C10orf53: variants seen among roughly 807,000 people sequenced by gnomAD.
C10orf53 encodes UPF0728 protein C10orf53.
Under a neutral mutation model 9.4 loss-of-function variants are expected in C10orf53, and 8 were observed. The ratio of observed to expected loss-of-function variants is 0.85; its 90% CI spans 0.50 to 1.53. The LOEUF is 1.53. C10orf53 is among the 40% of genes most tolerant of loss of function. C10orf53 has a pLI of 0.00. For missense variants in C10orf53, 117 were observed against 117.8 expected, an observed-to-expected ratio of 0.99 and a Z score of 0.03; for synonymous variants, 48 against 46.0, an observed-to-expected ratio of 1.04 and a Z score of -0.18.
intron 2 of C10orf53, among the ~76,000 whole-genome samples, chr10:49,703,616 G>C (rs919501201): frequency 6.6e-6 from 1 of 152,152 alleles, no homozygotes; most frequent in African/African-American, 2.4e-5. Flanking sequence ...AAGGGAACTT[G>C]GTCACCACTA....
chr10:49,686,333 A>C (rs1335846658), intron 1 of C10orf53, among the ~76,000 whole-genome samples: 1 of 152,214 alleles, frequency 6.6e-6, no homozygotes, highest in Admixed American at 6.5e-5. Context: ...TCACCTCAGG[A>C]CCACTATTTT....
chr10:49,691,264 G>C (rs1840581403), intron 1 of C10orf53, among the ~76,000 whole-genome samples: 1 of 152,204 alleles, frequency 6.6e-6, no homozygotes, highest in Admixed American at 6.5e-5. Context: ...AGCCAAGCCA[G>C]CTCAACACCT....
chr10:49,698,413 G>C (rs1840654174), downstream of C10orf53, among the ~76,000 whole-genome samples: 1 of 152,166 alleles, frequency 6.6e-6, no homozygotes, highest in African/African-American at 2.4e-5. Context: ...AGGGAGGACT[G>C]AACACATGGT....
downstream of C10orf53, among the ~76,000 whole-genome samples, chr10:49,700,186 C>G (rs1840670570): frequency 6.6e-6 from 1 of 152,228 alleles, no homozygotes; most frequent in South Asian, 2.1e-4. Context: ...GCATGGCAGT[C>G]CCTCGTCAGC....
Position 49,708,490 on chromosome 10 carries a change from C to A in C10orf53, c.347C>A (p.Thr116Asn), listed in dbSNP as rs190953213. The A allele has an allele frequency of 6.8e-6, 11 of 1,614,196 alleles. No homozygotes were observed. In the East Asian group the frequency reaches 2.5e-4, roughly 36 times the overall value. Residue 116 changes from threonine to asparagine, a missense_variant, in exon 3 of 3, where the codon ACT (threonine) becomes AAT (asparagine). Coordinates refer to the C10orf53 transcript ENST00000374112. Reference sequence around the variant, plus strand: ...TTCCCACAAAAGACCCAGGACCTGACTTGTACTGTATTGGCCCAGATTGGA... The same window carrying A: ...TTCCCACAAAAGACCCAGGACCTGAATTGTACTGTATTGGCCCAGATTGGA...
chr10:49,699,168 C>CT (rs1840660821), downstream of C10orf53, among the ~76,000 whole-genome samples: 1 of 97,732 alleles, frequency 1.0e-5, no homozygotes, highest in Admixed American at 9.7e-5. Flanking sequence ...CTCTTGTTAA[C>CT]TTTTTGTTTT....
chr10:49,704,284 A>T (rs927183133), intron 2 of C10orf53, among the ~76,000 whole-genome samples: 3 of 152,222 alleles, frequency 2.0e-5, no homozygotes, highest in African/African-American at 7.2e-5. Context: ...TCATATCCTT[A>T]ACCTACAGAG....
At chr10:49,688,392 AC>A (rs1840549573) in intron 1 of C10orf53, among the ~76,000 whole-genome samples, 2 of 151,044 alleles carry the variant, frequency 1.3e-5, no homozygotes, top group South Asian at 4.2e-4. Context: ...TTTTTTGTCC[AC>A]CCGCCATCAT....
intron 2 of C10orf53, among the ~76,000 whole-genome samples, chr10:49,707,038 A>G (rs922678504): frequency 6.6e-6 from 1 of 151,908 alleles, no homozygotes; most frequent in African/African-American, 2.4e-5. Flanking sequence ...CAATGAGCAC[A>G]TGCTACTTTG....
At chr10:49,693,210 G>A (rs1840601246) in intron 1 of C10orf53, among the ~76,000 whole-genome samples, 1 of 152,136 alleles carries the variant, frequency 6.6e-6, no homozygotes, top group African/African-American at 2.4e-5. Flanking sequence ...CTCATTATTG[G>A]ATATGTAAGT....
Position 49,708,262 on chromosome 10 carries a change from A to G in C10orf53, c.218-99A>G, listed in dbSNP as rs190613187. On this transcript the variant is annotated intron_variant, in intron 2 of 2. Transcript: ENST00000374112. ...ATTGGTTTGTATACCTGAAAAGTCCAGCTATAGGCATAGGTGAATATGAGT... is the reference window on the plus strand; with the variant it reads ...ATTGGTTTGTATACCTGAAAAGTCCGGCTATAGGCATAGGTGAATATGAGT... 326 of 1,513,180 alleles carry G rather than the reference A, an allele frequency of 2.2e-4. 1 individual carries two copies. In the East Asian group the frequency reaches 6.8e-3, roughly 32 times the overall value. The allele number at this position is 1,513,180 out of a possible 1,614,324, so 93.7% of individuals were successfully genotyped here.
rs112545799 is a variant in C10orf53 at position 49,706,265 on chromosome 10, C to T, written c.218-2096C>T. ...TACCCAAGAGAAATGAAAACATATG[C>T]TGACACAAAAAGCTGTACACAAGTA... On this transcript the variant is annotated intron_variant, in intron 2 of 2. Transcript: ENST00000374112. 4.1e-3 allele frequency among the ~76,000 whole-genome samples: 621 copies of T among 152,268 alleles called. 6 individuals carry two copies. Among genetic ancestry groups the T allele is most frequent in the African/African-American group, 0.014 (570 of 41,538 alleles).
At position 49,696,166 on chromosome 10, in the gene C10orf53, C is replaced by A. The variant is rs1352159430; in HGVS notation, c.*1564C>A. 2 of 152,004 alleles carry A rather than the reference C, an allele frequency of 1.3e-5. No homozygotes were observed. The highest frequency in any genetic ancestry group is 1.3e-4 in the Admixed American group (2 of 15,258). 9.4% of individuals were successfully genotyped at this position (152,004 alleles called of 1,614,324 possible). A position where few individuals can be genotyped will look rare whatever the true frequency, so the allele number is the denominator to read the frequency against. On this transcript the variant is annotated 3_prime_UTR_variant, in exon 3 of 3. Coordinates refer to ENST00000374111, the MANE Select transcript of C10orf53 (RefSeq NM_001042427.3). ...ATTTTGTAAGTTTTTAAAAATTTTT[C>A]AACTTTTATTTTAGATACAGGGGGT...
chr10:49,694,610 A>G lies in C10orf53; in HGVS notation c.*8A>G, dbSNP rs372537686. ...GTGCTGAATGCCTACTGATCTCCTC[A>G]TGGAACAGGCATCTCAAGTCGGCAC... On this transcript the variant is annotated 3_prime_UTR_variant, in exon 3 of 3. Transcript: ENST00000374111. The G allele has an allele frequency of 7.6e-5, 123 of 1,614,108 alleles. No individual in the cohort carries two copies. Among genetic ancestry groups the G allele is most frequent in the Non-Finnish European group, 1.0e-4 (120 of 1,180,042 alleles).
chr10:49,699,190 C>CTTTTTTTTTT (rs67695235), downstream of C10orf53, among the ~76,000 whole-genome samples: 348 of 64,896 alleles, frequency 5.4e-3, 74 homozygotes, highest in South Asian at 0.026. Flanking sequence ...GTGGCTCAAT[C>CTTTTTTTTTT]TTTTTTTTTT....
chr10:49,684,195 C>G (rs1173622948), intron 1 of C10orf53, among the ~76,000 whole-genome samples: 1 of 152,178 alleles, frequency 6.6e-6, no homozygotes, highest in Non-Finnish European at 1.5e-5. Flanking sequence ...TTTCTAGGCT[C>G]TCAATTCTAT....
intron 2 of C10orf53, 75 bp downstream of exon 2, chr10:49,693,968 T>A (rs1734816075): frequency 3.8e-6 from 6 of 1,591,510 alleles, no homozygotes; most frequent in Middle Eastern, 1.7e-4. Flanking sequence ...GTTGAAATGA[T>A]CAGTGTATCA....
At chr10:49,688,619 A>T (rs561781052) in intron 1 of C10orf53, among the ~76,000 whole-genome samples, 2 of 109,040 alleles carry the variant, frequency 1.8e-5, no homozygotes, top group African/African-American at 7.2e-5. Context: ...GGCCCCCCTG[A>T]TCTCACCCCC....
chr10:49,680,646 C>T (rs1031164621), intron 1 of C10orf53, among the ~76,000 whole-genome samples: 1 of 152,102 alleles, frequency 6.6e-6, no homozygotes, highest in Admixed American at 6.5e-5. Flanking sequence ...CTGAGGAGAA[C>T]AGATTAGAGG....
Sources: gnomAD v4.1 joint callset for allele counts (sites outside exome capture counted in the v4.1 genomes callset) on GRCh38, gnomAD v4.1.1 for gene constraint, MANE v1.5 for transcripts, NCBI Gene and HGNC (gene_info 2026-07-23, HGNC 2026-07-21) for gene names.